Variants in DCLK1 observed in about 807,000 individuals in gnomAD.
DCLK1 encodes doublecortin like kinase 1.
In DCLK1, 16 loss-of-function variants were observed where a neutral mutation model predicts 86.2. That is an observed-to-expected ratio of 0.19 (90% confidence interval 0.13 to 0.28). The LOEUF is 0.28. DCLK1 is among the 10% of genes least tolerant of loss of function. The pLI is 1.00. For missense variants in DCLK1, 590 were observed against 940.2 expected (o/e 0.63, Z 4.87); for synonymous variants, 369 against 370.5 (o/e 1.00, Z 0.05).
chr13:35,914,933 A>C (rs1310390300), intron 4 of DCLK1, among the ~76,000 whole-genome samples: 1 of 152,236 alleles, frequency 6.6e-6, no homozygotes, highest in Non-Finnish European at 1.5e-5. Context: ...GAAGATGAGT[A>C]AAAGATCACT....
chr13:35,963,112 A>T (rs1878545009), intron 3 of DCLK1, among the ~76,000 whole-genome samples: 2 of 152,070 alleles, frequency 1.3e-5, no homozygotes, highest in Admixed American at 1.3e-4. Context: ...CCTCATCTTG[A>T]CTCTGTAAAT....
chr13:36,031,187 C>T (rs1882255036), intron 3 of DCLK1, among the ~76,000 whole-genome samples: 1 of 152,184 alleles, frequency 6.6e-6, no homozygotes, highest in Non-Finnish European at 1.5e-5. Flanking sequence ...CTGGATTTGA[C>T]TTTGGAAAAT....
chr13:35,981,254 G>A (rs903610152), intron 3 of DCLK1, among the ~76,000 whole-genome samples: 8 of 151,670 alleles, frequency 5.3e-5, no homozygotes, highest in African/African-American at 1.2e-4. Context: ...GGCTTATATC[G>A]CTTAGCATAA....
At chr13:36,112,462 G>T (rs1482092795) in intron 2 of DCLK1, among the ~76,000 whole-genome samples, 1 of 152,066 alleles carries the variant, frequency 6.6e-6, no homozygotes, top group Non-Finnish European at 1.5e-5. Flanking sequence ...TCATCTTAAG[G>T]TCGGTGATAG....
chr13:35,965,510 A>G (rs951721641), intron 3 of DCLK1, among the ~76,000 whole-genome samples: 1 of 152,204 alleles, frequency 6.6e-6, no homozygotes, highest in Non-Finnish European at 1.5e-5. Flanking sequence ...TCCACATTTA[A>G]AAATATTTAC....
chr13:35,855,728 G>A (rs1213096623), intron 5 of DCLK1: 5 of 1,376,314 alleles, frequency 3.6e-6, no homozygotes, highest in African/African-American at 2.9e-5. Context: ...GCAGCAGTGG[G>A]AGGTGCAGGT....
At chr13:35,788,107 G>A in intron 16 of DCLK1, 4 of 1,057,178 alleles carry the variant, frequency 3.8e-6, no homozygotes, top group Middle Eastern at 2.2e-4. Context: ...CATATGGACT[G>A]GATAACAAAT....
chr13:35,824,255 C>T (rs2087468134), intron 10 of DCLK1, among the ~76,000 whole-genome samples: 1 of 152,208 alleles, frequency 6.6e-6, no homozygotes, highest in Admixed American at 6.5e-5. Flanking sequence ...TGGCTCACTG[C>T]AGCCTCAGAC....
chr13:35,860,808 G>T (rs1459427969), intron 5 of DCLK1, among the ~76,000 whole-genome samples: 1 of 152,164 alleles, frequency 6.6e-6, no homozygotes, highest in African/African-American at 2.4e-5. Context: ...GCAGGGCTGG[G>T]GAAGACCCTG....
intron 4 of DCLK1, among the ~76,000 whole-genome samples, chr13:35,927,872 T>C (rs1646820339): frequency 6.6e-6 from 1 of 152,114 alleles, no homozygotes; most frequent in Non-Finnish European, 1.5e-5. Flanking sequence ...CAAACCCTGG[T>C]AAAGACTCTG....
chr13:35,828,342 C>T, intron 8 of DCLK1, 35 bp from the exon 9 acceptor site: 2 of 1,536,432 alleles, frequency 1.3e-6, no homozygotes, highest in Non-Finnish European at 1.8e-6. Flanking sequence ...TAAAATGAAA[C>T]TTAACTTCAA....
chr13:36,062,357 T>C (rs907986086), intron 3 of DCLK1, among the ~76,000 whole-genome samples: 1 of 152,090 alleles, frequency 6.6e-6, no homozygotes. Context: ...ATGTGCATCA[T>C]GGGGGCAGGG....
chr13:35,995,117 G>T, intron 3 of DCLK1, among the ~76,000 whole-genome samples: 1 of 151,944 alleles, frequency 6.6e-6, no homozygotes, highest in East Asian at 1.9e-4. Flanking sequence ...CTTTGTAGTG[G>T]TGGAGTTTCT....
At chr13:35,951,756 T>G (rs1877705617) in intron 3 of DCLK1, among the ~76,000 whole-genome samples, 1 of 152,154 alleles carries the variant, frequency 6.6e-6, no homozygotes, top group Non-Finnish European at 1.5e-5. Flanking sequence ...CTAGTGGTTT[T>G]GTCAAAAGCT....
chr13:36,058,336 C>A (rs994202109), intron 3 of DCLK1, among the ~76,000 whole-genome samples: 11 of 152,114 alleles, frequency 7.2e-5, no homozygotes, highest in Non-Finnish European at 1.3e-4. Context: ...CCAGAGTAAC[C>A]AAGGGCTAGG....
At position 35,813,588 on chromosome 13, in the gene DCLK1, A is replaced by C. The variant is rs1041511768; in HGVS notation, c.1555-2620T>G. 3.3e-5 allele frequency among the ~76,000 whole-genome samples: 5 copies of C among 152,324 alleles called. No individual in the cohort carries two copies. The South Asian group carries it at 1.0e-3, about 32-fold the overall frequency. The stretch of plus-strand genomic sequence containing the variant: ...AATCTTCCTTAAAATAAAGAAAATG[A>C]GTACTAATACAAAATGATTATTAAA... On this transcript the variant is annotated intron_variant, in intron 11 of 16. Coordinates refer to ENST00000360631, the MANE Select transcript of DCLK1 (RefSeq NM_001330071.2).
intron 15 of DCLK1, among the ~76,000 whole-genome samples, chr13:35,793,932 T>C (rs1360724210): frequency 6.6e-6 from 1 of 152,180 alleles, no homozygotes; most frequent in African/African-American, 2.4e-5. Context: ...GCATGGCCCA[T>C]AAATAAACTC....
At chr13:36,104,129 C>T (rs772830525) in intron 3 of DCLK1, among the ~76,000 whole-genome samples, 5 of 152,138 alleles carry the variant, frequency 3.3e-5, no homozygotes, top group Non-Finnish European at 7.3e-5. Flanking sequence ...TGTGTGGCCA[C>T]GCTGCAGAGG....
intron 3 of DCLK1, among the ~76,000 whole-genome samples, chr13:36,044,067 C>A (rs1882788869): frequency 6.6e-6 from 1 of 152,146 alleles, no homozygotes; most frequent in African/African-American, 2.4e-5. Context: ...TGGCTTGGTG[C>A]CCTCCCTGCA....
Sources: gnomAD v4.1 joint callset for allele counts (sites outside exome capture counted in the v4.1 genomes callset) on GRCh38, gnomAD v4.1.1 for gene constraint, MANE v1.5 for transcripts, NCBI Gene and HGNC (gene_info 2026-07-23, HGNC 2026-07-21) for gene names.